The following WDFY4 variants were observed in gnomAD, a reference collection of about 807,000 sequenced individuals.
The protein encoded by WDFY4 is WDFY family member 4.
A neutral mutation model predicts 351.9 loss-of-function variants in WDFY4; 169 were observed. That is an observed-to-expected ratio of 0.48 (90% confidence interval 0.42 to 0.55). The LOEUF is 0.55. WDFY4 is among the 20% of genes least tolerant of loss of function. WDFY4 has a pLI of 0.00. For missense variants in WDFY4, 3,803 were observed against 3,935.6 expected (o/e 0.97, Z 0.90); for synonymous variants, 1,622 against 1,574.6 (o/e 1.03, Z -0.71).
chr10:48,826,761 C>T lies in WDFY4; in HGVS notation c.6073C>T (p.Pro2025Ser), dbSNP rs1255307290. The change falls in exon 36 of 62, where the codon CCC becomes TCC. Residue 2025 changes from proline to serine, a missense_variant. This residue lies in a region of WDFY4 where 3,054 missense variants were observed against 3,148.6 expected (regional missense o/e 0.97). Transcript: ENST00000325239. ...NKVILYCLSK[P>S]QQSLSECLGL... is the part of the protein sequence containing the mutation. ...AGTCATTCTTTATTGCCTATCCAAGCCCCAGCAGTCCCTCTCCGAATGCCT... is the reference window on the plus strand; with the variant it reads ...AGTCATTCTTTATTGCCTATCCAAGTCCCAGCAGTCCCTCTCCGAATGCCT... The T allele has an allele frequency of 6.4e-7, 1 of 1,551,880 alleles. No homozygotes were observed. Among genetic ancestry groups the T allele is most frequent in the Non-Finnish European group, 8.7e-7 (1 of 1,147,040 alleles).
At position 48,826,887 on chromosome 10, in the gene WDFY4, C is replaced by A; in HGVS notation, c.6199C>A (p.Leu2067Ile). Residue 2067 changes from leucine to isoleucine, a missense_variant, in exon 36 of 62, where the codon CTT (leucine) becomes ATT (isoleucine). Physicochemically the swap from Leu to Ile is conservative, Grantham distance 5. Around this residue, in one of 3 missense-constraint regions of WDFY4, gnomAD observed 3,054 missense variants for 3,148.6 expected, o/e 0.97. Transcript: ENST00000325239. Reference protein sequence around the residue: ...ISFLLCLMHCLLLLNERSYPE... With the variant: ...ISFLLCLMHCILLLNERSYPE... ...CTTCCTCCTGTGTCTCATGCATTGC[C>A]TTTTGCTACTCAATGAGAGAAGGTA... The A allele has an allele frequency of 6.4e-7, 1 of 1,551,676 alleles. No homozygotes were observed. The highest frequency in any genetic ancestry group is 8.7e-7 in the Non-Finnish European group (1 of 1,146,978).
intron 13 of WDFY4, among the ~76,000 whole-genome samples, chr10:48,768,472 C>T (rs2065746538): frequency 6.6e-6 from 1 of 152,196 alleles, no homozygotes. Flanking sequence ...TGTTTCCTTT[C>T]CCCGAAAGCC....
intron 13 of WDFY4, among the ~76,000 whole-genome samples, chr10:48,770,128 G>A (rs2065813587): frequency 6.6e-6 from 1 of 152,142 alleles, no homozygotes; most frequent in Non-Finnish European, 1.5e-5. Flanking sequence ...TTCAAAACAA[G>A]GCAATATTGG....
chr10:48,723,328 G>C, intron 4 of WDFY4, 105 bp from the exon 5 acceptor site: 1 of 1,389,686 alleles, frequency 7.2e-7, no homozygotes, highest in Non-Finnish European at 9.6e-7. Flanking sequence ...CAGAGGGACT[G>C]TCCCATGGCC....
At chr10:48,931,927 G>T (rs1410316457) in intron 47 of WDFY4, among the ~76,000 whole-genome samples, 2 of 152,202 alleles carry the variant, frequency 1.3e-5, no homozygotes, top group Admixed American at 6.5e-5. Context: ...CTTCTAGATA[G>T]GATGGCCACC....
chr10:48,721,828 A>C (rs919362366), intron 4 of WDFY4, among the ~76,000 whole-genome samples: 3 of 152,176 alleles, frequency 2.0e-5, no homozygotes, highest in Admixed American at 1.3e-4. Context: ...GTGCACCTGC[A>C]GTCTATCTGA....
chr10:48,943,598 C>CTTTTTTT, intron 49 of WDFY4, 149 bp downstream of exon 49: 1 of 645,782 alleles, frequency 1.5e-6, no homozygotes, highest in Admixed American at 3.8e-5. Flanking sequence ...GCTCAGATCT[C>CTTTTTTT]TTTTTTTTTT....
At position 48,874,996 on chromosome 10, in the gene WDFY4, T is replaced by C. The variant is rs1042211491; in HGVS notation, c.6949-93T>C. 1.2e-5 allele frequency: 8 copies of C among 649,252 alleles called. No individual in the cohort carries two copies. In the South Asian group the frequency reaches 1.5e-4, roughly 12 times the overall value. 40.2% of individuals were successfully genotyped at this position (649,252 alleles called of 1,614,324 possible). On this transcript the variant is annotated intron_variant, in intron 41 of 61. Transcript: ENST00000325239. ...GCATAATTTGAAGGGGTCACATGCATGTGCGTGTTTGTGAATCTGTGGAAT... is the reference window on the plus strand; with the variant it reads ...GCATAATTTGAAGGGGTCACATGCACGTGCGTGTTTGTGAATCTGTGGAAT...
chr10:48,844,031 C>T (rs1266023498), intron 39 of WDFY4, among the ~76,000 whole-genome samples: 3 of 152,242 alleles, frequency 2.0e-5, no homozygotes, highest in African/African-American at 4.8e-5. Context: ...ATTCACAACC[C>T]GCTAGGCCCC....
At chr10:48,934,852 A>G (rs1840254133) in intron 47 of WDFY4, among the ~76,000 whole-genome samples, 3 of 152,170 alleles carry the variant, frequency 2.0e-5, no homozygotes, top group Non-Finnish European at 1.5e-5. Context: ...CAGACTTTGG[A>G]GAGAGGATCC....
chr10:48,969,385 G>C, intron 56 of WDFY4, 137 bp downstream of exon 56: 1 of 1,109,946 alleles, frequency 9.0e-7, no homozygotes, highest in Non-Finnish European at 1.3e-6. Flanking sequence ...CAGCCTGGGC[G>C]GGAAAGGACT....
intron 23 of WDFY4, among the ~76,000 whole-genome samples, chr10:48,793,914 T>C (rs1039958625): frequency 1.3e-5 from 2 of 152,220 alleles, no homozygotes; most frequent in African/African-American, 4.8e-5. Flanking sequence ...ATCAGCCTCT[T>C]CTCAGACTAA....
chr10:48,716,402 G>C (rs1055724538), intron 2 of WDFY4, among the ~76,000 whole-genome samples: 3 of 152,186 alleles, frequency 2.0e-5, no homozygotes, highest in African/African-American at 7.2e-5. Flanking sequence ...CATGAGGCAC[G>C]ATGGTGCAGC....
chr10:48,913,557 A>G (rs756471760), intron 47 of WDFY4: 2 of 1,613,284 alleles, frequency 1.2e-6, no homozygotes, highest in African/African-American at 1.3e-5. Context: ...CTCCTCCACA[A>G]CATACAAGTT....
Position 48,877,066 on chromosome 10 carries a change from C to T in WDFY4, c.7034C>T (p.Pro2345Leu), listed in dbSNP as rs1005788427. Residue 2345 changes from proline (P) to leucine (L), a missense_variant, in exon 43 of 62, where the codon CCG becomes CTG. By Grantham distance (98) the Pro-to-Leu change is moderately conservative. Coordinates refer to ENST00000325239, the MANE Select transcript of WDFY4 (RefSeq NM_001394531.1). ...ELTLREAEGE[P>L]DEVGVDCTQL... ...ACACTGAGGGAGGCTGAGGGCGAGC[C>T]GGACGAGGTGGGGGTGGACTGCACC... The T allele has an allele frequency of 4.5e-5, 69 of 1,518,222 alleles. No homozygotes were observed. The highest frequency in any genetic ancestry group is 3.2e-4 in the African/African-American group (23 of 71,774). The allele number at this position is 1,518,222 out of a possible 1,614,324, so 94.0% of individuals were successfully genotyped here.
chr10:48,711,767 C>T (rs753195071), intron 2 of WDFY4, among the ~76,000 whole-genome samples: 1 of 152,198 alleles, frequency 6.6e-6, no homozygotes, highest in Non-Finnish European at 1.5e-5. Context: ...GAATAGCACA[C>T]TGTGTATTTC....
At position 48,959,818 on chromosome 10, in the gene WDFY4, G is replaced by A; in HGVS notation, c.8223+5G>A. The stretch of plus-strand genomic sequence containing the variant: ...TTCATCAGCCTGCACAGAAAGGTGA[G>A]TCAGGCCAGGACCCCTGGTATCCTG... On this transcript the variant is annotated splice_donor_5th_base_variant and intron_variant, in intron 53 of 61. Coordinates refer to ENST00000325239, the MANE Select transcript of WDFY4 (RefSeq NM_001394531.1). 6.5e-7 allele frequency: 1 copy of A among 1,548,746 alleles called. No homozygotes were observed. The highest frequency in any genetic ancestry group is 8.7e-7 in the Non-Finnish European group (1 of 1,145,174).
intron 47 of WDFY4, among the ~76,000 whole-genome samples, chr10:48,930,653 T>C (rs759197217): frequency 7.9e-5 from 12 of 152,138 alleles, no homozygotes; most frequent in Non-Finnish European, 2.9e-5. Context: ...AGACTTTTGA[T>C]AGAAACATGC....
At chr10:48,936,557 G>T (rs532783675) in intron 47 of WDFY4, among the ~76,000 whole-genome samples, 21 of 152,176 alleles carry the variant, frequency 1.4e-4, no homozygotes, top group African/African-American at 4.8e-4. Flanking sequence ...AAGCACTCAG[G>T]CCAGGTGTGG....
Sources: allele counts gnomAD v4.1 joint callset (sites outside exome capture counted in the v4.1 genomes callset), GRCh38; gene constraint gnomAD v4.1.1; regional missense constraint gnomAD v4.1.1; transcripts MANE v1.5; gene names NCBI Gene and HGNC (gene_info 2026-07-23, HGNC 2026-07-21).